ROBO1: variants seen among roughly 807,000 people sequenced by gnomAD.
The protein encoded by ROBO1 is roundabout homolog 1.
In ROBO1, 149 loss-of-function variants were observed where a neutral mutation model predicts 195.9. The ratio of observed to expected loss-of-function variants is 0.76; its 90% CI spans 0.67 to 0.87. The LOEUF is 0.87. Among genes scored for constraint, ROBO1 ranks in the 40% least tolerant of loss-of-function variants. The probability of loss-of-function intolerance (pLI) is 0.00; values close to 1 mark genes in which losing one functional copy is unlikely to be tolerated. For missense variants in ROBO1, 1,933 were observed against 2,068.3 expected (o/e 0.93, Z 1.27); for synonymous variants, 816 against 733.2 (o/e 1.11, Z -1.82).
At chr3:79,327,760 C>T (rs1022844445) in intron 2 of ROBO1, among the ~76,000 whole-genome samples, 24 of 152,060 alleles carry the variant, frequency 1.6e-4, no homozygotes, top group Non-Finnish European at 2.8e-4. Flanking sequence ...TAGTCCTCAT[C>T]AATCCTTAAC....
intron 2 of ROBO1, among the ~76,000 whole-genome samples, chr3:79,201,824 ATTG>A (rs2081770491): frequency 6.6e-6 from 1 of 151,326 alleles, no homozygotes; most frequent in Admixed American, 6.6e-5. Context: ...ACTAGGTATT[ATTG>A]TTGTAGTAAT....
intron 1 of ROBO1, among the ~76,000 whole-genome samples, chr3:79,628,441 C>G (rs954934594): frequency 2.0e-5 from 3 of 152,110 alleles, no homozygotes; most frequent in Middle Eastern, 3.4e-3. Context: ...AATGAGAACA[C>G]AAGGACACAG....
At chr3:79,483,489 T>A (rs558540401) in intron 2 of ROBO1, among the ~76,000 whole-genome samples, 1 of 152,280 alleles carries the variant, frequency 6.6e-6, no homozygotes, top group South Asian at 2.1e-4. Flanking sequence ...CTGAGAGATG[T>A]GTCATTAGGC....
chr3:78,625,140 C>A (rs1704684685), intron 26 of ROBO1, among the ~76,000 whole-genome samples: 1 of 152,070 alleles, frequency 6.6e-6, no homozygotes, highest in South Asian at 2.1e-4. Context: ...AAGTGGAATC[C>A]ATTTAAGGAT....
intron 3 of ROBO1, among the ~76,000 whole-genome samples, chr3:79,066,776 A>G (rs1384032660): frequency 6.6e-6 from 1 of 151,944 alleles, no homozygotes; most frequent in Non-Finnish European, 1.5e-5. Flanking sequence ...AGAAGATATA[A>G]GGCAGAAATG....
chr3:78,605,420 T>C (rs914751731), intron 29 of ROBO1, among the ~76,000 whole-genome samples: 4 of 152,324 alleles, frequency 2.6e-5, no homozygotes, highest in Admixed American at 6.5e-5. Context: ...CCACATTCAG[T>C]GACTTGAAAT....
At chr3:79,643,865 A>T (rs1394490576) in intron 1 of ROBO1, among the ~76,000 whole-genome samples, 1 of 152,178 alleles carries the variant, frequency 6.6e-6, no homozygotes, top group Non-Finnish European at 1.5e-5. Flanking sequence ...GTCCTTACTT[A>T]TCAACAATAA....
chr3:79,125,588 TA>T, intron 2 of ROBO1, 49 bp from the exon 3 acceptor site: 2 of 1,421,738 alleles, frequency 1.4e-6, no homozygotes, highest in Non-Finnish European at 2.0e-6. Flanking sequence ...GTAGTAACAG[TA>T]GTTGCCATTT....
At chr3:79,575,490 A>AAT (rs1553767620) in intron 2 of ROBO1, among the ~76,000 whole-genome samples, 3 of 127,104 alleles carry the variant, frequency 2.4e-5, no homozygotes, top group African/African-American at 6.1e-5. Context: ...ATATATAACA[A>AAT]ATATATAAAT....
chr3:79,276,098 T>C (rs2031013775), intron 2 of ROBO1, among the ~76,000 whole-genome samples: 1 of 152,058 alleles, frequency 6.6e-6, no homozygotes, highest in East Asian at 1.9e-4. Context: ...ATCAATGACA[T>C]TCTTCACAGC....
intron 4 of ROBO1, among the ~76,000 whole-genome samples, chr3:78,897,232 G>A (rs1246828021): frequency 1.3e-5 from 2 of 152,124 alleles, no homozygotes; most frequent in African/African-American, 4.8e-5. Flanking sequence ...TCAAAGCTCA[G>A]GCCACACCTC....
At chr3:79,205,170 T>TTTTA (rs1180466156) in intron 2 of ROBO1, among the ~76,000 whole-genome samples, 1 of 151,982 alleles carries the variant, frequency 6.6e-6, no homozygotes, top group Non-Finnish European at 1.5e-5. Context: ...TTTTTTCTAT[T>TTTTA]TTTAGTAGTG....
rs529020004 is a variant in ROBO1 at position 79,355,187 on chromosome 3, C to A, written c.89-229648G>T. 3.6e-4 allele frequency among the ~76,000 whole-genome samples: 53 copies of A among 145,922 alleles called. No homozygotes were observed. In the South Asian group the frequency reaches 4.6e-3, roughly 13 times the overall value. On this transcript the variant is annotated intron_variant, in intron 2 of 30. Coordinates refer to ENST00000464233, the MANE Select transcript of ROBO1 (RefSeq NM_002941.4). ...TCTCAAAAACAAACAAACAAACAAA[C>A]AAAAAAAAAACCATGCAAATGAATG...
At chr3:79,219,210 G>A (rs1404122603) in intron 2 of ROBO1, among the ~76,000 whole-genome samples, 2 of 151,852 alleles carry the variant, frequency 1.3e-5, no homozygotes, top group Non-Finnish European at 2.9e-5. Flanking sequence ...CTTTTCAATT[G>A]TTTGTTTTTT....
intron 2 of ROBO1, among the ~76,000 whole-genome samples, chr3:79,539,478 C>T (rs1463295366): frequency 1.3e-5 from 2 of 151,984 alleles, no homozygotes; most frequent in Non-Finnish European, 2.9e-5. Flanking sequence ...AGATCTTTTG[C>T]TATACAAATA....
rs1705342054 is a variant in ROBO1, at chr3:78,634,075, T to G, written c.3374-33A>C. ...TATCAGATGAAAAAACAATAAACATTTATTTTCTCTTCATGAGCGATTTCA... is the reference window on the plus strand; with the variant it reads ...TATCAGATGAAAAAACAATAAACATGTATTTTCTCTTCATGAGCGATTTCA... On this transcript the variant is annotated intron_variant, in intron 23 of 30. Transcript: ENST00000464233. The G allele has an allele frequency of 2.8e-6, 4 of 1,409,962 alleles. No individual in the cohort carries two copies. In the African/African-American group the frequency reaches 5.7e-5, roughly 20 times the overall value. 87.3% of individuals were successfully genotyped at this position (1,409,962 alleles called of 1,614,324 possible). A position where few individuals can be genotyped will look rare whatever the true frequency, so the allele number is the denominator to read the frequency against.
At chr3:79,708,912 A>G (rs1281747841) in intron 1 of ROBO1, among the ~76,000 whole-genome samples, 1 of 152,110 alleles carries the variant, frequency 6.6e-6, no homozygotes, top group Non-Finnish European at 1.5e-5. Flanking sequence ...AGGAGAATAA[A>G]CATTTAAACT....
At chr3:79,241,215 CAA>C (rs1293176395) in intron 2 of ROBO1, among the ~76,000 whole-genome samples, 2 of 152,102 alleles carry the variant, frequency 1.3e-5, no homozygotes, top group Admixed American at 1.3e-4. Context: ...GACTATGCTA[CAA>C]AGTCTCTAGA....
intron 2 of ROBO1, among the ~76,000 whole-genome samples, chr3:79,473,483 C>T (rs889944916): frequency 6.6e-6 from 1 of 152,008 alleles, no homozygotes; most frequent in Non-Finnish European, 1.5e-5. Context: ...AGGTGATTTT[C>T]GACAAGGCCT....
Sources: gnomAD v4.1 joint callset for allele counts (sites outside exome capture counted in the v4.1 genomes callset) on GRCh38, gnomAD v4.1.1 for gene constraint, MANE v1.5 for transcripts, NCBI Gene and HGNC (gene_info 2026-07-23, HGNC 2026-07-21) for gene names.